Variants in DCDC1 observed in about 807,000 individuals in gnomAD.
DCDC1 encodes the protein doublecortin domain containing 1.
Under a neutral mutation model 178.3 loss-of-function variants are expected in DCDC1, and 200 were observed. That is an observed-to-expected ratio of 1.12 (90% CI 1.00 to 1.26). The LOEUF (loss-of-function observed/expected upper bound fraction) is 1.26, where lower values mean the gene tolerates loss of function less well. Ranked by LOEUF, DCDC1 falls within the 50% of genes most tolerant of loss-of-function variation. The pLI is 0.00. For missense variants in DCDC1, 1,983 were observed against 1,749.2 expected (o/e 1.13, Z -2.38); for synonymous variants, 690 against 604.8 (o/e 1.14, Z -2.07).
rs981890349 is a variant in DCDC1, at chr11:30,884,930, T to C, written c.5083-3622A>G. On this transcript the variant is annotated intron_variant, in intron 36 of 38. Transcript: ENST00000684477. ...AATCCTATAGGATGATTTTACGATG[T>C]TGAACTGTAATTCCAAAATTCATCT... 7.2e-5 allele frequency among the ~76,000 whole-genome samples: 11 copies of C among 152,222 alleles called. No homozygotes were observed. The East Asian group carries it at 2.1e-3, about 29-fold the overall frequency.
At position 30,916,828 on chromosome 11, in the gene DCDC1, C is replaced by T. The variant is rs990663351; in HGVS notation, c.3452+42G>A. The T allele has an allele frequency of 2.6e-6, 4 of 1,543,384 alleles. No homozygotes were observed. The African/African-American group carries it at 5.5e-5, about 21-fold the overall frequency. On this transcript the variant is annotated intron_variant, in intron 26 of 38. Transcript: ENST00000684477. ...GTGTCCCAAGGTGAGAAAACTAACA[C>T]TAGACAGAAATCTTTAAGAGGAATC...
chr11:31,062,010 AC>A (rs2135469221), intron 20 of DCDC1, among the ~76,000 whole-genome samples: 1 of 152,214 alleles, frequency 6.6e-6, no homozygotes, highest in African/African-American at 2.4e-5. Context: ...TCCCTAAGCT[AC>A]CCAGTGCCCT....
chr11:30,921,449 T>G (rs1565077447), intron 24 of DCDC1, among the ~76,000 whole-genome samples: 1 of 152,144 alleles, frequency 6.6e-6, no homozygotes, highest in Non-Finnish European at 1.5e-5. Context: ...AATTAGAACT[T>G]TTATAAAAGA....
At position 31,125,788 on chromosome 11, in the gene DCDC1, G is replaced by C. The variant is rs190930648; in HGVS notation, c.1485+1681C>G. On this transcript the variant is annotated intron_variant, in intron 11 of 38. Transcript: ENST00000684477. ...TGGGGCCCATCAGGGGCGGTTGGGTGGGGGGTAGAGCATTAGGGAAAAGAG... is the reference window on the plus strand; with the variant it reads ...TGGGGCCCATCAGGGGCGGTTGGGTCGGGGGTAGAGCATTAGGGAAAAGAG... Among the ~76,000 whole-genome samples, 200 of 152,120 alleles carry C rather than the reference G, an allele frequency of 1.3e-3. 1 individual carries two copies. Among genetic ancestry groups the C allele is most frequent in the African/African-American group, 4.2e-3 (175 of 41,436 alleles).
intron 17 of DCDC1, among the ~76,000 whole-genome samples, chr11:31,085,166 GT>G (rs61401729): frequency 0.017 from 2,412 of 143,214 alleles, 71 homozygotes; most frequent in African/African-American, 0.056. Context: ...TGTTTTTAAG[GT>G]TTTTTTTTTT....
intron 20 of DCDC1, among the ~76,000 whole-genome samples, chr11:31,020,228 T>C (rs968257300): frequency 6.6e-6 from 1 of 152,178 alleles, no homozygotes; most frequent in Non-Finnish European, 1.5e-5. Flanking sequence ...CATCAATAAA[T>C]AAAACAGCTC....
At chr11:30,880,610 C>G (rs974500684) in intron 37 of DCDC1, among the ~76,000 whole-genome samples, 1 of 152,042 alleles carries the variant, frequency 6.6e-6, no homozygotes, top group African/African-American at 2.4e-5. Flanking sequence ...ATATACCTAC[C>G]TACAAATACT....
At chr11:31,227,501 C>T (rs1975145110) in intron 9 of DCDC1, among the ~76,000 whole-genome samples, 1 of 152,008 alleles carries the variant, frequency 6.6e-6, no homozygotes, top group African/African-American at 2.4e-5. Flanking sequence ...TTCAACATGA[C>T]ACTTGGGGGG....
chr11:30,991,093 G>A lies in DCDC1; in HGVS notation c.2592-38525C>T, dbSNP rs1950950931. ...GGCAACTGACAAACGGGTTTGCCAA[G>A]GGAGGGCTAAGGGACATCCCTGGTA... On this transcript the variant is annotated intron_variant, in intron 20 of 38. Coordinates refer to ENST00000684477, the MANE Select transcript of DCDC1 (RefSeq NM_001387274.1). Among the ~76,000 whole-genome samples, 2 of 152,134 alleles carry A rather than the reference G, an allele frequency of 1.3e-5. 1 individual carries two copies. The highest frequency in any genetic ancestry group is 4.1e-4 in the South Asian group (2 of 4,830).
chr11:30,916,602 G>C (rs1945850590), intron 26 of DCDC1, among the ~76,000 whole-genome samples: 1 of 152,018 alleles, frequency 6.6e-6, no homozygotes, highest in African/African-American at 2.4e-5. Flanking sequence ...TAAGTTGTCA[G>C]GAGGCAAAGG....
intron 9 of DCDC1, among the ~76,000 whole-genome samples, chr11:31,150,964 CTA>C (rs1177264516): frequency 6.6e-6 from 1 of 152,150 alleles, no homozygotes; most frequent in Non-Finnish European, 1.5e-5. Context: ...TTGCATTAAA[CTA>C]TATTTCCTGC....
chr11:30,922,012 G>A lies in DCDC1; in HGVS notation c.3133+491C>T, dbSNP rs78512605. 8.5e-3 allele frequency among the ~76,000 whole-genome samples: 1,297 copies of A among 152,190 alleles called. 11 individuals carry two copies. Among genetic ancestry groups the A allele is most frequent in the African/African-American group, 0.03 (1,236 of 41,522 alleles). On this transcript the variant is annotated intron_variant, in intron 24 of 38. Transcript: ENST00000684477. Reference sequence around the variant, plus strand: ...AGCAGAGAGAAGGCTGAATCAGGGAGGTAGCACACCCACCCAGAGTATCGT... The same window carrying A: ...AGCAGAGAGAAGGCTGAATCAGGGAAGTAGCACACCCACCCAGAGTATCGT...
At chr11:31,336,643 T>C (rs1950287971) in intron 1 of DCDC1, among the ~76,000 whole-genome samples, 1 of 152,220 alleles carries the variant, frequency 6.6e-6, no homozygotes, top group East Asian at 1.9e-4. Flanking sequence ...TGCATAAACT[T>C]TGTGGCAGAG....
intron 7 of DCDC1, among the ~76,000 whole-genome samples, chr11:31,268,777 C>CT (rs1945351275): frequency 4.6e-5 from 7 of 152,124 alleles, no homozygotes; most frequent in Admixed American, 3.9e-4. Flanking sequence ...GTTCTGAGTT[C>CT]TTTGAGAAAA....
chr11:30,872,244 GTTGTT>G (rs1394440876), intron 38 of DCDC1, among the ~76,000 whole-genome samples: 9 of 151,970 alleles, frequency 5.9e-5, no homozygotes, highest in South Asian at 2.1e-4. Flanking sequence ...TTTTGTTGTT[GTTGTT>G]TTGTTTTGTT....
chr11:31,301,148 A>T (rs905988686), intron 6 of DCDC1, among the ~76,000 whole-genome samples: 5 of 152,238 alleles, frequency 3.3e-5, no homozygotes, highest in African/African-American at 1.2e-4. Context: ...AAATAGAAGA[A>T]TCATATGCTG....
At chr11:31,240,749 T>C (rs1033305434) in intron 9 of DCDC1, among the ~76,000 whole-genome samples, 4 of 152,046 alleles carry the variant, frequency 2.6e-5, no homozygotes, top group Non-Finnish European at 5.9e-5. Flanking sequence ...TTTTTAAATG[T>C]GGCAATTCCA....
chr11:31,321,140 CT>C (rs1488288577), intron 3 of DCDC1, among the ~76,000 whole-genome samples: 1 of 19,242 alleles, frequency 5.2e-5, no homozygotes, highest in African/African-American at 2.4e-4. Context: ...GAGGTGGAGC[CT>C]ACAGAGGCAG....
At chr11:31,197,704 G>A (rs1288933998) in intron 9 of DCDC1, among the ~76,000 whole-genome samples, 1 of 152,070 alleles carries the variant, frequency 6.6e-6, no homozygotes, top group African/African-American at 2.4e-5. Flanking sequence ...TTGGCTAACT[G>A]ATGCTTACAT....
Sources: allele counts gnomAD v4.1 joint callset (sites outside exome capture counted in the v4.1 genomes callset), GRCh38; gene constraint gnomAD v4.1.1; transcripts MANE v1.5; gene names NCBI Gene and HGNC (gene_info 2026-07-23, HGNC 2026-07-21).